The following CBLC variants were observed in gnomAD, a reference collection of about 807,000 sequenced individuals.
CBLC encodes Cbl proto-oncogene C.
In CBLC, 46 loss-of-function variants were observed where a neutral mutation model predicts 58.6. That is an observed-to-expected ratio of 0.79 (90% CI 0.62 to 1.00). The LOEUF is 1.00. CBLC is among the 50% of genes least tolerant of loss of function. The pLI is 0.00. For missense variants in CBLC, 655 were observed against 625.8 expected (o/e 1.05, Z -0.50); for synonymous variants, 271 against 264.2 (o/e 1.03, Z -0.25).
intron 4 of CBLC, among the ~76,000 whole-genome samples, chr19:44,783,723 T>G (rs922345107): frequency 3.9e-5 from 6 of 152,040 alleles, no homozygotes; most frequent in Admixed American, 6.6e-5. Flanking sequence ...AGGGTGTGGG[T>G]TTCAGGCACA....
intron 6 of CBLC, among the ~76,000 whole-genome samples, chr19:44,790,488 T>A (rs1968018574): frequency 6.6e-6 from 1 of 152,046 alleles, no homozygotes; most frequent in African/African-American, 2.4e-5. Flanking sequence ...CAGGCTGGAG[T>A]GCAGTGGTGC....
At chr19:44,798,804 C>T (rs1215130368) in intron 9 of CBLC, among the ~76,000 whole-genome samples, 2 of 152,174 alleles carry the variant, frequency 1.3e-5, no homozygotes, top group African/African-American at 4.8e-5. Context: ...AAGCCAAAGT[C>T]CTCTCCGCCG....
At chr19:44,794,402 G>C in intron 9 of CBLC, 121 bp downstream of exon 9, 1 of 728,298 alleles carries the variant, frequency 1.4e-6, no homozygotes. Flanking sequence ...CATTTCCAAG[G>C]CACCCATCCC....
intron 9 of CBLC, among the ~76,000 whole-genome samples, chr19:44,798,589 C>G (rs2122516699): frequency 6.6e-6 from 1 of 152,206 alleles, no homozygotes; most frequent in East Asian, 1.9e-4. Flanking sequence ...GTGGCGGGCA[C>G]CCGTAATCCC....
chr19:44,799,654 G>C (rs1473542401), intron 9 of CBLC, among the ~76,000 whole-genome samples: 2 of 151,298 alleles, frequency 1.3e-5, no homozygotes, highest in African/African-American at 4.9e-5. Context: ...GTTTGTTGTT[G>C]TTGTTGTTGT....
Position 44,780,986 on chromosome 19 carries a change from TG to T in CBLC, c.437del (p.Gly146AspfsTer133). On this transcript the variant is annotated frameshift_variant, in exon 2 of 11. Transcript: ENST00000647358. LOFTEE classifies it high-confidence loss of function. ...CACTCTTCCCCGGGGGAAAGTACTG[TG>T]GACACATGTACCAGCTCACCAAGGC... Reference protein sequence around the residue: ...HALFPGGKYCGHMYQLTKAPA... With the variant: ...HALFPGGKYCXHMYQLTKAPA... 1 of 1,613,622 alleles carries T rather than the reference TG, an allele frequency of 6.2e-7. No homozygotes were observed. Among genetic ancestry groups the T allele is most frequent in the Non-Finnish European group, 8.5e-7 (1 of 1,179,998 alleles).
At chr19:44,795,684 G>T (rs1040385341) in intron 9 of CBLC, among the ~76,000 whole-genome samples, 1 of 152,018 alleles carries the variant, frequency 6.6e-6, no homozygotes, top group Non-Finnish European at 1.5e-5. Context: ...TCGGGGCCCT[G>T]CTCTGCTGTA....
Position 44,794,391 on chromosome 19 carries a change from C to T in CBLC, c.1362+110C>T, listed in dbSNP as rs1968135683. The T allele has an allele frequency of 1.9e-5, 17 of 905,452 alleles. No homozygotes were observed. The East Asian group carries it at 4.9e-4, about 26-fold the overall frequency. The allele number at this position is 905,452 out of a possible 1,614,324, so 56.1% of individuals were successfully genotyped here. On this transcript the variant is annotated intron_variant, in intron 9 of 10. Coordinates refer to ENST00000647358, the MANE Select transcript of CBLC (RefSeq NM_012116.4). ...CAGGGCAGGGACTCATCCTTGGCAC[C>T]CATTTCCAAGGCACCCATCCCCTCT...
At chr19:44,794,073 C>CGTT in intron 8 of CBLC, 131 bp from the exon 9 acceptor site, 1 of 1,447,266 alleles carries the variant, frequency 6.9e-7, no homozygotes, top group Non-Finnish European at 9.2e-7. Flanking sequence ...AGTGTTCATA[C>CGTT]GTTGTCTTGG....
intron 5 of CBLC, among the ~76,000 whole-genome samples, chr19:44,788,504 G>A (rs970935072): frequency 7.2e-6 from 1 of 139,272 alleles, no homozygotes; most frequent in Non-Finnish European, 1.5e-5. Context: ...TTTTGAGACA[G>A]AGTCTTGCTG....
At chr19:44,792,175 G>A (rs1008809840) in intron 6 of CBLC, among the ~76,000 whole-genome samples, 1 of 151,530 alleles carries the variant, frequency 6.6e-6, no homozygotes, top group Non-Finnish European at 1.5e-5. Flanking sequence ...TGTATTTTTA[G>A]TAGAGACGGG....
intron 6 of CBLC, among the ~76,000 whole-genome samples, chr19:44,791,389 T>C (rs915926148): frequency 3.3e-5 from 5 of 151,690 alleles, no homozygotes; most frequent in African/African-American, 1.2e-4. Flanking sequence ...ATTTGCTAAA[T>C]CTGGCACCAC....
rs1968135451 is a variant in CBLC, at chr19:44,794,370, G to C, written c.1362+89G>C. 2.1e-5 allele frequency: 26 copies of C among 1,238,244 alleles called. No homozygotes were observed. In the South Asian group the frequency reaches 3.3e-4, roughly 16 times the overall value. The allele number at this position is 1,238,244 out of a possible 1,614,324, so 76.7% of individuals were successfully genotyped here. A position where few individuals can be genotyped will look rare whatever the true frequency, so the allele number is the denominator to read the frequency against. On this transcript the variant is annotated intron_variant, in intron 9 of 10. Transcript: ENST00000647358. The stretch of plus-strand genomic sequence containing the variant: ...CACCTGTGCACTCAGGGGTGCCAGG[G>C]CAGGGACTCATCCTTGGCACCCATT...
intron 5 of CBLC, among the ~76,000 whole-genome samples, chr19:44,785,312 G>A (rs1388485727): frequency 1.3e-5 from 2 of 151,670 alleles, no homozygotes; most frequent in South Asian, 2.1e-4. Context: ...GTTTTGCCAT[G>A]CCAGGCTGGT....
intron 9 of CBLC, among the ~76,000 whole-genome samples, chr19:44,797,354 G>A (rs1374641984): frequency 6.6e-6 from 1 of 151,878 alleles, no homozygotes; most frequent in East Asian, 1.9e-4. Context: ...AGGTTCAAGC[G>A]ATTCTCCTGC....
At chr19:44,790,524 C>A (rs1968019532) in intron 6 of CBLC, among the ~76,000 whole-genome samples, 1 of 152,072 alleles carries the variant, frequency 6.6e-6, no homozygotes, top group Admixed American at 6.6e-5. Context: ...CAGCCTCGAC[C>A]TCTGGGCTCA....
At chr19:44,784,950 G>GTTTGTTTTTTTTTTTT (rs1967850075) in intron 5 of CBLC, among the ~76,000 whole-genome samples, 1 of 34,356 alleles carries the variant, frequency 2.9e-5, no homozygotes, top group Non-Finnish European at 6.6e-5. Context: ...CTAGACAGGT[G>GTTTGTTTTTTTTTTTT]TTTTTTTTTT....
chr19:44,798,335 A>G (rs991825988), intron 9 of CBLC, among the ~76,000 whole-genome samples: 6 of 152,096 alleles, frequency 3.9e-5, no homozygotes, highest in African/African-American at 1.4e-4. Flanking sequence ...CACTTCGTCT[A>G]GCCTCCCCAT....
intron 5 of CBLC, among the ~76,000 whole-genome samples, chr19:44,789,640 C>G (rs913080068): frequency 5.9e-5 from 9 of 152,166 alleles, no homozygotes; most frequent in Non-Finnish European, 1.3e-4. Flanking sequence ...ATCCACCCAC[C>G]TCGGCCTCCC....
Sources: gnomAD v4.1 joint callset for allele counts (sites outside exome capture counted in the v4.1 genomes callset) on GRCh38, gnomAD v4.1.1 for gene constraint, MANE v1.5 for transcripts, NCBI Gene and HGNC (gene_info 2026-07-23, HGNC 2026-07-21) for gene names.